Variants in FMN2 observed in about 807,000 individuals in gnomAD.
FMN2 encodes the protein formin 2, also known as formin-2.
A neutral mutation model predicts 142.3 loss-of-function variants in FMN2; 51 were observed. The observed-to-expected ratio is 0.36, with a 90% CI of 0.29 to 0.45. The LOEUF (loss-of-function observed/expected upper bound fraction) is 0.45, where lower values mean the gene tolerates loss of function less well. FMN2 is among the 20% of genes least tolerant of loss of function. FMN2 has a pLI of 1.00. For synonymous variants in FMN2, 882 were observed against 869.8 expected, an observed-to-expected ratio of 1.01 and a Z score of -0.25; for missense variants, 1,936 against 2,122.8, an observed-to-expected ratio of 0.91 and a Z score of 1.73.
intron 14 of FMN2, among the ~76,000 whole-genome samples, chr1:240,367,116 T>C (rs1026725582): frequency 2.6e-5 from 4 of 152,184 alleles, no homozygotes; most frequent in Admixed American, 2.0e-4. Context: ...TTAGTTGTTT[T>C]TGACCCAATT....
chr1:240,317,305 T>TAAAAAAAAAAAA (rs374121506), intron 8 of FMN2, among the ~76,000 whole-genome samples: 4 of 146,442 alleles, frequency 2.7e-5, no homozygotes, highest in Non-Finnish European at 3.0e-5. Context: ...AGACTCCATC[T>TAAAAAAAAAAAA]AAAAAGAAAA....
intron 6 of FMN2, among the ~76,000 whole-genome samples, chr1:240,236,686 T>C (rs1667724004): frequency 6.6e-6 from 1 of 152,122 alleles, no homozygotes; most frequent in African/African-American, 2.4e-5. Flanking sequence ...GCCAGCCTCT[T>C]TTTAACAATC....
At chr1:240,246,564 C>T (rs1052347896) in intron 6 of FMN2, among the ~76,000 whole-genome samples, 1 of 152,138 alleles carries the variant, frequency 6.6e-6, no homozygotes. Flanking sequence ...GAGAACCTCA[C>T]AATCTGTGCA....
intron 16 of FMN2, among the ~76,000 whole-genome samples, chr1:240,465,681 C>T (rs1159360443): frequency 6.6e-6 from 1 of 152,118 alleles, no homozygotes; most frequent in Non-Finnish European, 1.5e-5. Context: ...AACCGTCTGC[C>T]ACAGATACTT....
At chr1:240,365,627 C>T (rs563728397) in intron 14 of FMN2, among the ~76,000 whole-genome samples, 9 of 152,048 alleles carry the variant, frequency 5.9e-5, no homozygotes, top group Non-Finnish European at 8.8e-5. Context: ...AGAGTCACTG[C>T]GAACACTGAA....
chr1:240,251,203 C>T (rs183635516), intron 6 of FMN2, among the ~76,000 whole-genome samples: 2 of 151,778 alleles, frequency 1.3e-5, no homozygotes, highest in East Asian at 1.9e-4. Context: ...TTGATGTAGG[C>T]GTTTATTATT....
At position 240,198,348 on chromosome 1, in the gene FMN2, G is replaced by A. The variant is rs567788099; in HGVS notation, c.1987-8451G>A. On this transcript the variant is annotated intron_variant, in intron 4 of 17. Coordinates refer to ENST00000319653, the MANE Select transcript of FMN2 (RefSeq NM_020066.5). The stretch of plus-strand genomic sequence containing the variant: ...AGATCATTACTTTAACCTTCCCATC[G>A]TATCAGCTCCCATTCTAAAGAGATG... Among the ~76,000 whole-genome samples the A allele has an allele frequency of 1.9e-3, 292 of 152,036 alleles. 1 individual carries two copies. Among genetic ancestry groups the A allele is most frequent in the African/African-American group, 6.6e-3 (273 of 41,466 alleles).
At chr1:240,432,913 A>G (rs2103167374) in intron 15 of FMN2, among the ~76,000 whole-genome samples, 1 of 152,230 alleles carries the variant, frequency 6.6e-6, no homozygotes, top group Admixed American at 6.5e-5. Flanking sequence ...TCTATGTTGA[A>G]TATTTCATGT....
rs992734856 is a variant in FMN2 at position 240,091,888 on chromosome 1, C to T, written c.-222C>T. 5 of 711,260 alleles carry T rather than the reference C, an allele frequency of 7.0e-6. No homozygotes were observed. The highest frequency in any genetic ancestry group is 3.1e-5 in the South Asian group (1 of 32,390). 44.1% of individuals were successfully genotyped at this position (711,260 alleles called of 1,614,324 possible). ...CGCCCCGCCGGCCCCTAGCCGCAGC[C>T]GCAGCCGCAGCGACGGCAGCCACGG... is the stretch of plus-strand genomic sequence containing the variant. On this transcript the variant is annotated 5_prime_UTR_variant, in exon 1 of 18. Coordinates refer to ENST00000319653, the MANE Select transcript of FMN2 (RefSeq NM_020066.5).
intron 15 of FMN2, among the ~76,000 whole-genome samples, chr1:240,418,808 G>A (rs1674668388): frequency 6.6e-6 from 1 of 152,098 alleles, no homozygotes; most frequent in African/African-American, 2.4e-5. Flanking sequence ...TACCAAGAGT[G>A]TATAGTAAAG....
intron 2 of FMN2, among the ~76,000 whole-genome samples, chr1:240,127,913 G>A (rs1662579255): frequency 6.6e-6 from 1 of 152,158 alleles, no homozygotes; most frequent in Non-Finnish European, 1.5e-5. Context: ...GGGAGATGAA[G>A]ACCAGTTAGT....
intron 1 of FMN2, among the ~76,000 whole-genome samples, chr1:240,103,224 A>G (rs1453750269): frequency 6.6e-6 from 1 of 152,348 alleles, no homozygotes; most frequent in Non-Finnish European, 1.5e-5. Context: ...CTAAATTCAC[A>G]GATCATTTTC....
intron 6 of FMN2, among the ~76,000 whole-genome samples, chr1:240,221,225 A>G (rs530209944): frequency 8.3e-4 from 127 of 152,320 alleles, no homozygotes; most frequent in African/African-American, 3.0e-3. Context: ...TCCTTTGAGT[A>G]TATACCCAGT....
intron 15 of FMN2, among the ~76,000 whole-genome samples, chr1:240,428,233 C>CT (rs112012945): frequency 0.017 from 2,392 of 143,140 alleles, 29 homozygotes; most frequent in Non-Finnish European, 0.02. Context: ...AACATTTCGC[C>CT]TTTTTTTTTT....
chr1:240,138,345 G>C (rs557568645), intron 2 of FMN2, among the ~76,000 whole-genome samples: 1 of 152,170 alleles, frequency 6.6e-6, no homozygotes, highest in African/African-American at 2.4e-5. Flanking sequence ...CAATCCAGGA[G>C]AGAACAGTGC....
chr1:240,427,270 A>G (rs1674983221), intron 15 of FMN2, among the ~76,000 whole-genome samples: 1 of 150,892 alleles, frequency 6.6e-6, no homozygotes, highest in Admixed American at 6.6e-5. Context: ...CAGTAGTGCT[A>G]TCTCGGCTCA....
chr1:240,112,550 A>G (rs1661854367), intron 1 of FMN2, among the ~76,000 whole-genome samples: 1 of 152,202 alleles, frequency 6.6e-6, no homozygotes, highest in Non-Finnish European at 1.5e-5. Flanking sequence ...GAAAGAGCCC[A>G]AGAAACTTTG....
At chr1:240,140,496 G>A (rs572217120) in intron 2 of FMN2, among the ~76,000 whole-genome samples, 1 of 152,276 alleles carries the variant, frequency 6.6e-6, no homozygotes, top group African/African-American at 2.4e-5. Flanking sequence ...GATCCACGCA[G>A]GTTGGAACAC....
At chr1:240,289,654 T>A (rs1371775452) in intron 7 of FMN2, among the ~76,000 whole-genome samples, 1 of 152,052 alleles carries the variant, frequency 6.6e-6, no homozygotes, top group Non-Finnish European at 1.5e-5. Context: ...CACCCTAGCA[T>A]GGGTGACAGA....
Sources: allele counts gnomAD v4.1 joint callset (sites outside exome capture counted in the v4.1 genomes callset), GRCh38; gene constraint gnomAD v4.1.1; transcripts MANE v1.5; gene names NCBI Gene and HGNC (gene_info 2026-07-23, HGNC 2026-07-21).